The following SORCS3 variants were observed in gnomAD, a reference collection of about 807,000 sequenced individuals.
SORCS3 encodes VPS10 domain-containing receptor SorCS3.
In SORCS3, 57 loss-of-function variants were observed where a neutral mutation model predicts 146.3. The ratio of observed to expected loss-of-function variants is 0.39; its 90% CI spans 0.31 to 0.49. The LOEUF (loss-of-function observed/expected upper bound fraction) is 0.49, where lower values mean the gene tolerates loss of function less well. Among genes scored for constraint, SORCS3 ranks in the 20% least tolerant of loss-of-function variants. The pLI is 0.92. For synonymous variants in SORCS3, 653 were observed against 618.5 expected, an observed-to-expected ratio of 1.06 and a Z score of -0.83; for missense variants, 1,341 against 1,575.5, an observed-to-expected ratio of 0.85 and a Z score of 2.52.
At chr10:105,002,343 A>G (rs987745479) in intron 4 of SORCS3, among the ~76,000 whole-genome samples, 2 of 152,176 alleles carry the variant, frequency 1.3e-5, no homozygotes, top group South Asian at 2.1e-4. Flanking sequence ...ACAAACATTT[A>G]TGGGTTCATT....
chr10:105,236,194 G>C (rs1487792835), intron 20 of SORCS3, among the ~76,000 whole-genome samples: 2 of 152,090 alleles, frequency 1.3e-5, no homozygotes, highest in Non-Finnish European at 2.9e-5. Context: ...TGGTACATTT[G>C]AGAAGTTAAG....
intron 2 of SORCS3, among the ~76,000 whole-genome samples, chr10:104,865,787 G>A (rs2018452954): frequency 6.6e-6 from 1 of 152,208 alleles, no homozygotes; most frequent in Non-Finnish European, 1.5e-5. Flanking sequence ...GCTAGAAGCT[G>A]AGCACAATGC....
intron 5 of SORCS3, among the ~76,000 whole-genome samples, chr10:105,058,859 A>G (rs1289752703): frequency 6.6e-6 from 1 of 152,228 alleles, no homozygotes; most frequent in Non-Finnish European, 1.5e-5. Context: ...TAGAATAACT[A>G]TACTTAAAAA....
intron 2 of SORCS3, among the ~76,000 whole-genome samples, chr10:104,915,440 G>A (rs925906373): frequency 8.5e-5 from 11 of 129,734 alleles, no homozygotes; most frequent in Admixed American, 2.0e-4. Flanking sequence ...TGCTCCCATG[G>A]CCTCCACACA....
chr10:105,240,958 A>G (rs11818180), intron 20 of SORCS3, among the ~76,000 whole-genome samples: 1 of 149,144 alleles, frequency 6.7e-6, no homozygotes, highest in African/African-American at 2.5e-5. Flanking sequence ...ATATATATAT[A>G]TATATCTATA....
chr10:105,008,283 T>A (rs1170416647), intron 4 of SORCS3, among the ~76,000 whole-genome samples: 1 of 152,174 alleles, frequency 6.6e-6, no homozygotes, highest in Non-Finnish European at 1.5e-5. Flanking sequence ...GTAGTCATCC[T>A]ATAGTAAATA....
intron 1 of SORCS3, among the ~76,000 whole-genome samples, chr10:104,780,261 C>T (rs1274694496): frequency 6.6e-6 from 1 of 151,896 alleles, no homozygotes; most frequent in Non-Finnish European, 1.5e-5. Context: ...TGTGAGCATA[C>T]ATACCAATAT....
Position 104,641,787 on chromosome 10 carries a change from T to C in SORCS3, c.460T>C (p.Ser154Pro). 1 of 1,548,632 alleles carries C rather than the reference T, an allele frequency of 6.5e-7. No individual in the cohort carries two copies. Among genetic ancestry groups the C allele is most frequent in the African/African-American group, 1.4e-5 (1 of 72,892 alleles). The change falls in exon 1 of 27, where the codon TCC (serine) becomes CCC (proline). Residue 154 changes from serine (S) to proline (P), a missense_variant. Physicochemically the swap from Ser to Pro is moderately conservative, Grantham distance 74. Coordinates refer to ENST00000369701, the MANE Select transcript of SORCS3 (RefSeq NM_014978.3). This position sits in a 1 kb window ranked among gnomAD's most constrained non-coding sequence, Gnocchi z 6.4. Reference sequence around the variant, plus strand: ...CTGGGCCACTGCTCCGGCCGATGGTTCCAGAGGAAGCCGTCCCCTTGCTAA... The same window carrying C: ...CTGGGCCACTGCTCCGGCCGATGGTCCCAGAGGAAGCCGTCCCCTTGCTAA... ...DAWATAPADG[S>P]RGSRPLAKGS...
At chr10:104,959,427 A>T (rs2054778709) in intron 3 of SORCS3, among the ~76,000 whole-genome samples, 1 of 152,142 alleles carries the variant, frequency 6.6e-6, no homozygotes, top group Non-Finnish European at 1.5e-5. Context: ...ATTACATCAC[A>T]TGAGGACACA....
chr10:105,247,654 A>G (rs1024512698), intron 22 of SORCS3, among the ~76,000 whole-genome samples: 1 of 152,150 alleles, frequency 6.6e-6, no homozygotes, highest in East Asian at 1.9e-4. Flanking sequence ...TGGCTGAGGC[A>G]TGAGAATTGC....
intron 1 of SORCS3, among the ~76,000 whole-genome samples, chr10:104,805,549 G>A (rs1015974247): frequency 6.6e-6 from 1 of 152,152 alleles, no homozygotes; most frequent in Non-Finnish European, 1.5e-5. Flanking sequence ...GAGGAGTCAG[G>A]ATTTACCATG....
rs573249556 is a variant in SORCS3 at position 104,976,262 on chromosome 10, A to G, written c.796-1073A>G. 3.9e-5 allele frequency among the ~76,000 whole-genome samples: 6 copies of G among 152,360 alleles called. No homozygotes were observed. The East Asian group carries it at 7.7e-4, about 20-fold the overall frequency. ...AAAAGTGGGCAAAGGACATGAATAG[A>G]CACTTCTCAAAAGGAGACATTTATG... On this transcript the variant is annotated intron_variant, in intron 3 of 26. Transcript: ENST00000369701.
chr10:104,728,049 A>G (rs965958669), intron 1 of SORCS3, among the ~76,000 whole-genome samples: 2 of 151,508 alleles, frequency 1.3e-5, no homozygotes, highest in African/African-American at 4.9e-5. Flanking sequence ...CTATCTATCT[A>G]TCTATCTATC....
intron 1 of SORCS3, among the ~76,000 whole-genome samples, chr10:104,656,580 C>T (rs141206314): frequency 6.6e-6 from 1 of 152,162 alleles, no homozygotes; most frequent in African/African-American, 2.4e-5. Context: ...GGGAGGATCA[C>T]TTGAGCCCAG....
intron 1 of SORCS3, among the ~76,000 whole-genome samples, chr10:104,829,452 A>G (rs773311874): frequency 2.6e-5 from 4 of 152,214 alleles, no homozygotes; most frequent in Admixed American, 2.6e-4. Flanking sequence ...GGAGAAGAGC[A>G]TAATGGAAAG....
chr10:104,870,889 C>A (rs1004562250), intron 2 of SORCS3, among the ~76,000 whole-genome samples: 10 of 152,168 alleles, frequency 6.6e-5, no homozygotes, highest in Admixed American at 6.5e-5. Flanking sequence ...GGTTGTCAAC[C>A]ATTCTCTTGA....
At chr10:104,969,190 A>C (rs2054844029) in intron 3 of SORCS3, among the ~76,000 whole-genome samples, 1 of 152,032 alleles carries the variant, frequency 6.6e-6, no homozygotes, top group African/African-American at 2.4e-5. Flanking sequence ...CAACTAACCT[A>C]TATCTTCCTC....
chr10:104,841,305 T>C (rs1052493336), intron 1 of SORCS3, among the ~76,000 whole-genome samples: 1 of 152,050 alleles, frequency 6.6e-6, no homozygotes, highest in Non-Finnish European at 1.5e-5. Context: ...CTTGGTAGAG[T>C]CTACTGTTCT....
intron 1 of SORCS3, among the ~76,000 whole-genome samples, chr10:104,765,598 C>T (rs909635330): frequency 6.6e-6 from 1 of 152,134 alleles, no homozygotes; most frequent in African/African-American, 2.4e-5. Context: ...ACAAGGCTGA[C>T]ATAGAGTGGA....
Sources: gnomAD v4.1 joint callset for allele counts (sites outside exome capture counted in the v4.1 genomes callset) on GRCh38, gnomAD v4.1.1 for gene constraint, Gnocchi (gnomAD v3.1) non-coding constraint, MANE v1.5 for transcripts, NCBI Gene and HGNC (gene_info 2026-07-23, HGNC 2026-07-21) for gene names.